Variants in ACBD6 observed in about 807,000 individuals in gnomAD.
ACBD6 encodes acyl-CoA-binding domain-containing protein 6.
In ACBD6, 28 loss-of-function variants were observed where a neutral mutation model predicts 37.2. The observed-to-expected ratio is 0.75, with a 90% CI of 0.56 to 1.03. The LOEUF (loss-of-function observed/expected upper bound fraction) is 1.03, where lower values mean the gene tolerates loss of function less well. ACBD6 is among the 50% of genes least tolerant of loss of function. The probability of loss-of-function intolerance (pLI) is 0.00; values close to 1 mark genes in which losing one functional copy is unlikely to be tolerated. For missense variants in ACBD6, 340 were observed against 337.4 expected (o/e 1.01, Z -0.06); for synonymous variants, 113 against 126.8 (o/e 0.89, Z 0.73).
chr1:180,398,706 A>C (rs1446324325), intron 5 of ACBD6, among the ~76,000 whole-genome samples: 1 of 152,152 alleles, frequency 6.6e-6, no homozygotes, highest in South Asian at 2.1e-4. Flanking sequence ...AAAAAAGCCT[A>C]CTTGGTTCAA....
At chr1:180,293,582 T>C (rs537258615) in intron 7 of ACBD6, among the ~76,000 whole-genome samples, 1 of 152,192 alleles carries the variant, frequency 6.6e-6, no homozygotes, top group Admixed American at 6.5e-5. Flanking sequence ...GCTAGGATTA[T>C]AGGCATGAGC....
chr1:180,271,342 A>G (rs1648643518), exon 14 of ACBD6: 1 of 1,613,468 alleles, frequency 6.2e-7, no homozygotes. Flanking sequence ...GCTGCTGCAG[A>G]TAGGCCGAAG....
chr1:180,290,883 A>G (rs796575061), intron 7 of ACBD6, among the ~76,000 whole-genome samples: 4 of 152,334 alleles, frequency 2.6e-5, no homozygotes, highest in African/African-American at 9.6e-5. Flanking sequence ...CGGTCACACT[A>G]AGAAGTCTGA....
At chr1:180,349,999 G>T (rs1652344983) in intron 6 of ACBD6, among the ~76,000 whole-genome samples, 1 of 147,916 alleles carries the variant, frequency 6.8e-6, no homozygotes, top group Admixed American at 6.8e-5. Flanking sequence ...ACAACTAAAG[G>T]TGTTTCAGTC....
intron 4 of ACBD6, among the ~76,000 whole-genome samples, chr1:180,423,014 G>A (rs1193834620): frequency 1.3e-5 from 2 of 152,116 alleles, no homozygotes; most frequent in African/African-American, 4.8e-5. Flanking sequence ...GATATGGTCT[G>A]CTAGTGTTTA....
At chr1:180,307,333 T>C (rs1013057757) in intron 7 of ACBD6, among the ~76,000 whole-genome samples, 1 of 151,518 alleles carries the variant, frequency 6.6e-6, no homozygotes, top group African/African-American at 2.4e-5. Flanking sequence ...AGATAGAGAG[T>C]AGAGGGATGG....
chr1:180,302,621 T>C (rs1650176115), intron 7 of ACBD6, among the ~76,000 whole-genome samples: 1 of 152,018 alleles, frequency 6.6e-6, no homozygotes, highest in Non-Finnish European at 1.5e-5. Flanking sequence ...CTTAGAGACC[T>C]AGAAAGAGAC....
chr1:180,465,645 G>A (rs1257227144), intron 3 of ACBD6, among the ~76,000 whole-genome samples: 1 of 152,096 alleles, frequency 6.6e-6, no homozygotes, highest in Admixed American at 6.6e-5. Context: ...ATTCAACCCA[G>A]TAATCTCATT....
chr1:180,374,659 C>CT (rs1298754270), intron 6 of ACBD6, among the ~76,000 whole-genome samples: 1 of 152,134 alleles, frequency 6.6e-6, no homozygotes, highest in Non-Finnish European at 1.5e-5. Context: ...TTAGCCCAGA[C>CT]TTTTCAAAAG....
rs1411076304 is a variant in ACBD6 at position 180,502,209 on chromosome 1, T to C, written c.58A>G (p.Ser20Gly). ...AITGDSGGELSSGDDSGEVEF... is the reference protein window; with the variant it reads ...AITGDSGGELGSGDDSGEVEF... Reference sequence around the variant, plus strand: ...ACCTCCCCGGAGTCGTCCCCTGAGCTCAGCTCTCCACCGCTGTCGCCGGTG... The same window carrying C: ...ACCTCCCCGGAGTCGTCCCCTGAGCCCAGCTCTCCACCGCTGTCGCCGGTG... Residue 20 changes from serine to glycine, a missense_variant, in exon 1 of 8, where the codon AGC becomes GGC. Transcript: ENST00000367595. The C allele has an allele frequency of 2.5e-6, 4 of 1,613,954 alleles. No individual in the cohort carries two copies. Among genetic ancestry groups the C allele is most frequent in the Non-Finnish European group, 3.4e-6 (4 of 1,180,012 alleles).
Position 180,316,333 on chromosome 1 carries a change from T to TGC in ACBD6, c.664-1613_664-1612dup, listed in dbSNP as rs202208542. On this transcript the variant is annotated intron_variant, in intron 6 of 7. Coordinates refer to ENST00000367595, the MANE Select transcript of ACBD6 (RefSeq NM_032360.4). ...GAAAGTGTGTGTGTGTGTGCGTGAG[T>TGC]GCGCACACACACACACACACATACA... Among the ~76,000 whole-genome samples, 708 of 145,424 alleles carry TGC rather than the reference T, an allele frequency of 4.9e-3. 7 individuals are homozygous for TGC. Among genetic ancestry groups the TGC allele is most frequent in the African/African-American group, 0.018 (678 of 38,582 alleles).
chr1:180,456,211 C>CA (rs753205587), intron 3 of ACBD6, among the ~76,000 whole-genome samples: 43,347 of 106,524 alleles, frequency 0.41, 7,629 homozygotes, highest in African/African-American at 0.5. Context: ...GACACCATTT[C>CA]AAAAAAAAAA....
intron 3 of ACBD6, among the ~76,000 whole-genome samples, chr1:180,447,018 T>A (rs1393162019): frequency 6.6e-6 from 1 of 152,064 alleles, no homozygotes; most frequent in Non-Finnish European, 1.5e-5. Context: ...CCAGCCTGGG[T>A]GATAGAGTGA....
intron 6 of ACBD6, among the ~76,000 whole-genome samples, chr1:180,387,924 C>T (rs1471595059): frequency 6.6e-6 from 1 of 151,784 alleles, no homozygotes; most frequent in Non-Finnish European, 1.5e-5. Context: ...ACCTGTAATC[C>T]CACCACTTTG....
At chr1:180,491,635 A>C (rs945345563) in intron 3 of ACBD6, among the ~76,000 whole-genome samples, 1 of 152,206 alleles carries the variant, frequency 6.6e-6, no homozygotes, top group Non-Finnish European at 1.5e-5. Context: ...CCTTGCATAG[A>C]AAGTGATCAT....
chr1:180,440,686 C>G (rs909428057), intron 3 of ACBD6, among the ~76,000 whole-genome samples: 2 of 150,978 alleles, frequency 1.3e-5, no homozygotes, highest in Non-Finnish European at 2.9e-5. Flanking sequence ...TAGCCTTGAA[C>G]CCACTAAGCA....
intron 6 of ACBD6, among the ~76,000 whole-genome samples, chr1:180,368,926 C>T (rs1399064768): frequency 2.0e-5 from 3 of 152,116 alleles, no homozygotes; most frequent in East Asian, 1.9e-4. Context: ...AAGGCTACTG[C>T]ACACAGTGAG....
At chr1:180,460,849 A>C (rs1364311207) in intron 3 of ACBD6, among the ~76,000 whole-genome samples, 1 of 152,332 alleles carries the variant, frequency 6.6e-6, no homozygotes, top group Non-Finnish European at 1.5e-5. Context: ...CTCTCCTCCA[A>C]ATGACAACAT....
intron 7 of ACBD6, among the ~76,000 whole-genome samples, chr1:180,306,552 T>A (rs1372222178): frequency 6.6e-6 from 1 of 152,156 alleles, no homozygotes; most frequent in Non-Finnish European, 1.5e-5. Flanking sequence ...TTTATATAAA[T>A]GGAAACCATA....
Sources: allele counts gnomAD v4.1 joint callset (sites outside exome capture counted in the v4.1 genomes callset), GRCh38; gene constraint gnomAD v4.1.1; transcripts MANE v1.5; gene names NCBI Gene and HGNC (gene_info 2026-07-23, HGNC 2026-07-21).